TXK: variants seen among roughly 807,000 people sequenced by gnomAD.
TXK encodes tyrosine-protein kinase TXK.
In TXK, 60 loss-of-function variants were observed where a neutral mutation model predicts 81.0. That is an observed-to-expected ratio of 0.74 (90% CI 0.60 to 0.92). TXK has a LOEUF of 0.92. Ranked by LOEUF, TXK falls within the 40% of genes least tolerant of loss-of-function variation. The pLI is 0.00. For missense variants in TXK, 581 were observed against 638.3 expected, an observed-to-expected ratio of 0.91 and a Z score of 0.97; for synonymous variants, 203 against 210.7, an observed-to-expected ratio of 0.96 and a Z score of 0.32.
chr4:48,086,414 C>T (rs952212790), intron 10 of TXK, 52 bp downstream of exon 10: 11 of 1,583,564 alleles, frequency 6.9e-6, no homozygotes, highest in Non-Finnish European at 8.6e-6. Flanking sequence ...CATGTTGTTT[C>T]CATGACACCA....
chr4:48,082,559 A>G (rs1051045954), intron 10 of TXK, among the ~76,000 whole-genome samples: 3 of 152,118 alleles, frequency 2.0e-5, no homozygotes, highest in Non-Finnish European at 2.9e-5. Flanking sequence ...GGAAGCCCCC[A>G]CTGATATGGA....
intron 14 of TXK, among the ~76,000 whole-genome samples, chr4:48,069,845 T>C (rs1305365532): frequency 6.6e-6 from 1 of 152,158 alleles, no homozygotes; most frequent in Non-Finnish European, 1.5e-5. Flanking sequence ...ACACAACATA[T>C]ACTTCTGAGC....
intron 1 of TXK, chr4:48,114,620 G>A: frequency 1.8e-6 from 1 of 559,662 alleles, no homozygotes; most frequent in East Asian, 3.0e-5. Context: ...TTCTCCTCTG[G>A]CCTGGTTTTT....
chr4:48,088,735 G>C (rs544341134), intron 9 of TXK, among the ~76,000 whole-genome samples: 40 of 152,222 alleles, frequency 2.6e-4, no homozygotes, highest in African/African-American at 9.1e-4. Context: ...GTTAATGGTA[G>C]AACTTTGTAT....
chr4:48,084,611 T>A (rs973530326), intron 10 of TXK, among the ~76,000 whole-genome samples: 15 of 152,196 alleles, frequency 9.9e-5, no homozygotes, highest in Non-Finnish European at 1.5e-5. Context: ...AGGATGCAGA[T>A]ATCTACAGGA....
At chr4:48,089,974 T>C (rs1183167407) in intron 8 of TXK, 150 bp from the exon 9 acceptor site, 1 of 518,622 alleles carries the variant, frequency 1.9e-6, no homozygotes, top group African/African-American at 1.9e-5. Flanking sequence ...TTTTCCCACA[T>C]TTTCCAAAAA....
chr4:48,100,100 A>C (rs1362936485), intron 6 of TXK, among the ~76,000 whole-genome samples: 4 of 139,150 alleles, frequency 2.9e-5, no homozygotes, highest in Non-Finnish European at 1.5e-5. Context: ...TGAACCCGGA[A>C]GGCGGAGCTT....
intron 1 of TXK, among the ~76,000 whole-genome samples, chr4:48,117,820 T>C (rs757298402): frequency 7.9e-5 from 12 of 152,338 alleles, no homozygotes; most frequent in Non-Finnish European, 1.3e-4. Context: ...CTTCCAGATG[T>C]GATAGTAATT....
At chr4:48,083,097 C>T (rs1717373253) in intron 10 of TXK, among the ~76,000 whole-genome samples, 1 of 152,244 alleles carries the variant, frequency 6.6e-6, no homozygotes, top group East Asian at 1.9e-4. Context: ...CTGGTTAACC[C>T]TTAAGCCATC....
chr4:48,110,459 A>G (rs573728878), intron 5 of TXK, 79 bp downstream of exon 5: 16 of 998,366 alleles, frequency 1.6e-5, no homozygotes, highest in Non-Finnish European at 2.5e-5. Flanking sequence ...TTCCTTCTAC[A>G]GACCCAAAAC....
At chr4:48,070,929 C>T (rs1257551678) in intron 14 of TXK, among the ~76,000 whole-genome samples, 8 of 117,324 alleles carry the variant, frequency 6.8e-5, no homozygotes, top group Non-Finnish European at 1.4e-4. Context: ...GATGGAGTCT[C>T]ACTCTGTCGC....
intron 1 of TXK, among the ~76,000 whole-genome samples, chr4:48,117,373 AG>A (rs1718842208): frequency 6.6e-6 from 1 of 152,196 alleles, no homozygotes; most frequent in Non-Finnish European, 1.5e-5. Context: ...AAGAATATTA[AG>A]AAATAAAGCT....
chr4:48,074,428 C>A (rs897572424), intron 12 of TXK, among the ~76,000 whole-genome samples: 1 of 152,142 alleles, frequency 6.6e-6, no homozygotes, highest in Non-Finnish European at 1.5e-5. Flanking sequence ...ACAAAGACCA[C>A]TCTTCTTAAA....
chr4:48,133,640 A>G lies in TXK; in HGVS notation c.16+515T>C, dbSNP rs111832189. Among the ~76,000 whole-genome samples the G allele has an allele frequency of 2.8e-4, 43 of 152,350 alleles. 1 individual carries two copies. In the East Asian group the frequency reaches 7.1e-3, roughly 25 times the overall value. On this transcript the variant is annotated intron_variant, in intron 1 of 14. Coordinates refer to ENST00000264316, the MANE Select transcript of TXK (RefSeq NM_003328.3). ...CCCTGTGAAAATAAAGGTTAAGTCTATATGTTTACTTGATAAAGCAGATAA... is the reference window on the plus strand; with the variant it reads ...CCCTGTGAAAATAAAGGTTAAGTCTGTATGTTTACTTGATAAAGCAGATAA...
At chr4:48,081,189 T>G (rs1199503636) in intron 10 of TXK, among the ~76,000 whole-genome samples, 1 of 152,084 alleles carries the variant, frequency 6.6e-6, no homozygotes, top group Non-Finnish European at 1.5e-5. Flanking sequence ...TACATATATA[T>G]AGAGTAAGTG....
At chr4:48,132,579 C>T (rs996728770) in intron 1 of TXK, among the ~76,000 whole-genome samples, 2 of 152,060 alleles carry the variant, frequency 1.3e-5, no homozygotes, top group Admixed American at 1.3e-4. Flanking sequence ...CATATAAACT[C>T]ATTTATATAT....
At position 48,112,312 on chromosome 4, in the gene TXK, A is replaced by G. The variant is rs1718657385; in HGVS notation, c.375T>C (p.Arg125=). Residue 125 remains arginine (R), a synonymous_variant, in exon 4 of 15, where the codon CGT becomes CGC. Coordinates refer to ENST00000264316, the MANE Select transcript of TXK (RefSeq NM_003328.3). ...AAGTCATGTAAGTGTCTTACCCCAAACGGTCTCTTGCCTTCCACCAGTGAG... is the reference window on the plus strand; with the variant it reads ...AAGTCATGTAAGTGTCTTACCCCAAGCGGTCTCTTGCCTTCCACCAGTGAG... The part of the protein sequence containing the change: ...YNPHWWKARD[R]LGNEGLIPSN... 6.2e-7 allele frequency: 1 copy of G among 1,613,932 alleles called. No homozygotes were observed. Among genetic ancestry groups the G allele is most frequent in the Admixed American group, 1.7e-5 (1 of 60,002 alleles).
chr4:48,106,339 A>G (rs1273126134), intron 5 of TXK, among the ~76,000 whole-genome samples: 1 of 152,164 alleles, frequency 6.6e-6, no homozygotes, highest in Non-Finnish European at 1.5e-5. Flanking sequence ...GCAAGAGCAC[A>G]GTATTTCAGA....
At chr4:48,100,954 C>T (rs576684659) in intron 6 of TXK, among the ~76,000 whole-genome samples, 94 of 151,690 alleles carry the variant, frequency 6.2e-4, no homozygotes, top group African/African-American at 2.2e-3. Flanking sequence ...AGTATGCTAT[C>T]GTTTGTGTAA....
Sources: allele counts gnomAD v4.1 joint callset (sites outside exome capture counted in the v4.1 genomes callset), GRCh38; gene constraint gnomAD v4.1.1; transcripts MANE v1.5; gene names NCBI Gene and HGNC (gene_info 2026-07-23, HGNC 2026-07-21).